Variants in MTUS2 observed in about 807,000 individuals in gnomAD.
The protein encoded by MTUS2 is microtubule associated scaffold protein 2.
A neutral mutation model predicts 114.1 loss-of-function variants in MTUS2; 40 were observed. The ratio of observed to expected loss-of-function variants is 0.35; its 90% CI spans 0.27 to 0.46. The LOEUF (loss-of-function observed/expected upper bound fraction) is 0.46. MTUS2 is among the 20% of genes least tolerant of loss of function. MTUS2 has a pLI of 1.00. For synonymous variants in MTUS2, 688 were observed against 672.0 expected (o/e 1.02, Z -0.37); for missense variants, 1,679 against 1,705.4 (o/e 0.98, Z 0.27).
intron 8 of MTUS2, among the ~76,000 whole-genome samples, chr13:29,363,550 CAA>C (rs944586769): frequency 6.6e-6 from 1 of 151,666 alleles, no homozygotes; most frequent in African/African-American, 2.4e-5. Context: ...CCTTTTATCA[CAA>C]AAAAAATTTA....
At chr13:29,102,489 T>C (rs1383308903) in intron 5 of MTUS2, among the ~76,000 whole-genome samples, 1 of 152,206 alleles carries the variant, frequency 6.6e-6, no homozygotes, top group Non-Finnish European at 1.5e-5. Context: ...TTCTCACCTC[T>C]GCTTCAGAGG....
chr13:29,378,957 C>T (rs922379031), intron 8 of MTUS2, among the ~76,000 whole-genome samples: 1 of 152,152 alleles, frequency 6.6e-6, no homozygotes, highest in East Asian at 1.9e-4. Flanking sequence ...TCCCCCCATG[C>T]TGTTCTCATG....
intron 8 of MTUS2, among the ~76,000 whole-genome samples, chr13:29,398,614 G>A (rs1874094919): frequency 6.6e-6 from 1 of 151,948 alleles, no homozygotes. Context: ...AATCTAAATT[G>A]GAAATAAACT....
chr13:29,172,054 G>C (rs777533817), intron 5 of MTUS2, among the ~76,000 whole-genome samples: 1 of 152,196 alleles, frequency 6.6e-6, no homozygotes, highest in Non-Finnish European at 1.5e-5. Context: ...AAAGGAGAGA[G>C]TGCACACAGG....
chr13:29,344,678 TA>T (rs1367117887), intron 7 of MTUS2, among the ~76,000 whole-genome samples: 3 of 152,316 alleles, frequency 2.0e-5, no homozygotes, highest in Non-Finnish European at 2.9e-5. Context: ...TGTGAGGTAC[TA>T]TTCTACTCAT....
chr13:29,390,756 G>GATGA (rs1555272992), intron 8 of MTUS2, among the ~76,000 whole-genome samples: 1 of 146,588 alleles, frequency 6.8e-6, no homozygotes, highest in Non-Finnish European at 1.5e-5. Context: ...CCACCAAATG[G>GATGA]TGATGATGAT....
intron 9 of MTUS2, among the ~76,000 whole-genome samples, 181 bp downstream of exon 9, chr13:29,440,230 C>T (rs543933384): frequency 3.3e-5 from 5 of 152,320 alleles, no homozygotes; most frequent in African/African-American, 4.8e-5. Context: ...ATAATTTTCA[C>T]GTCTCCGTTG....
At chr13:29,430,811 A>G (rs1328497971) in intron 8 of MTUS2, among the ~76,000 whole-genome samples, 1 of 152,230 alleles carries the variant, frequency 6.6e-6, no homozygotes, top group African/African-American at 2.4e-5. Flanking sequence ...ATAGGATTCC[A>G]TTCCAACTTC....
intron 7 of MTUS2, among the ~76,000 whole-genome samples, chr13:29,344,847 C>G (rs774336333): frequency 1.3e-5 from 2 of 152,096 alleles, no homozygotes; most frequent in African/African-American, 2.4e-5. Flanking sequence ...TCTTGTAGTT[C>G]TGGCCTGGTA....
intron 5 of MTUS2, among the ~76,000 whole-genome samples, chr13:29,150,719 C>T (rs1273514214): frequency 6.6e-6 from 1 of 152,072 alleles, no homozygotes; most frequent in Non-Finnish European, 1.5e-5. Context: ...TTTTTATATA[C>T]TGATATGTAG....
rs183151776 is a variant in MTUS2 at position 29,049,877 on chromosome 13, G to A, written c.2446+15752G>A. Among the ~76,000 whole-genome samples, 455 of 152,316 alleles carry A rather than the reference G, an allele frequency of 3.0e-3. 2 individuals are homozygous for A. Among genetic ancestry groups the A allele is most frequent in the African/African-American group, 0.01 (423 of 41,568 alleles). On this transcript the variant is annotated intron_variant, in intron 4 of 15. Transcript: ENST00000612955. Reference sequence around the variant, plus strand: ...GAGACTCTAAAATACAAGCAGCTCCGCAGCTGCCAACTTCATTTGTCTGGA... The same window carrying A: ...GAGACTCTAAAATACAAGCAGCTCCACAGCTGCCAACTTCATTTGTCTGGA...
chr13:29,321,244 G>A (rs755618048), intron 6 of MTUS2, among the ~76,000 whole-genome samples: 2 of 152,134 alleles, frequency 1.3e-5, no homozygotes, highest in Non-Finnish European at 2.9e-5. Context: ...GGGATACCTT[G>A]GTCCAGGTCT....
At chr13:29,048,423 A>G (rs1215861448) in intron 4 of MTUS2, among the ~76,000 whole-genome samples, 1 of 152,180 alleles carries the variant, frequency 6.6e-6, no homozygotes, top group African/African-American at 2.4e-5. Flanking sequence ...ATGTTTTTTT[A>G]GATGACAGGC....
intron 5 of MTUS2, among the ~76,000 whole-genome samples, chr13:29,220,796 G>A (rs2139320695): frequency 6.6e-6 from 1 of 152,338 alleles, no homozygotes; most frequent in South Asian, 2.1e-4. Context: ...ATGAACATGT[G>A]TTGTTGGAAA....
chr13:28,922,495 G>T (rs2138057609), intron 2 of MTUS2, among the ~76,000 whole-genome samples: 1 of 152,234 alleles, frequency 6.6e-6, no homozygotes, highest in Non-Finnish European at 1.5e-5. Flanking sequence ...TGGAACTCTG[G>T]CTCCATTTGC....
chr13:28,896,483 A>G (rs908679194), intron 2 of MTUS2, among the ~76,000 whole-genome samples: 2 of 152,248 alleles, frequency 1.3e-5, no homozygotes, highest in South Asian at 2.1e-4. Context: ...TGTCCAAAGT[A>G]ATTTATAGAT....
chr13:28,909,484 C>T (rs1880265121), intron 2 of MTUS2, among the ~76,000 whole-genome samples: 1 of 151,936 alleles, frequency 6.6e-6, no homozygotes, highest in Non-Finnish European at 1.5e-5. Flanking sequence ...TGATTTGGCT[C>T]TCTGTTTAAA....
chr13:29,102,598 T>C (rs948501996), intron 5 of MTUS2, among the ~76,000 whole-genome samples: 10 of 152,208 alleles, frequency 6.6e-5, no homozygotes, highest in African/African-American at 2.4e-4. Context: ...AGTCACACTT[T>C]TATATGAATG....
chr13:29,044,184 T>TA (rs1362387330), intron 4 of MTUS2, among the ~76,000 whole-genome samples: 1 of 151,958 alleles, frequency 6.6e-6, no homozygotes, highest in Non-Finnish European at 1.5e-5. Context: ...TGTTCACCTA[T>TA]ACTTTTGATA....
Sources: allele counts gnomAD v4.1 joint callset (sites outside exome capture counted in the v4.1 genomes callset), GRCh38; gene constraint gnomAD v4.1.1; transcripts MANE v1.5; gene names NCBI Gene and HGNC (gene_info 2026-07-23, HGNC 2026-07-21).